Variants in MBD5 observed in about 807,000 individuals in gnomAD.
MBD5 encodes the protein methyl-CpG-binding domain protein 5.
Under a neutral mutation model 117.3 loss-of-function variants are expected in MBD5, and 13 were observed. That is an observed-to-expected ratio of 0.11 (90% CI 0.07 to 0.18). MBD5 has a LOEUF of 0.18. Ranked by LOEUF, MBD5 falls within the 10% of genes least tolerant of loss-of-function variation. MBD5 has a pLI of 1.00. For synonymous variants in MBD5, 727 were observed against 766.4 expected, an observed-to-expected ratio of 0.95 and a Z score of 0.85; for missense variants, 1,879 against 2,093.8, an observed-to-expected ratio of 0.90 and a Z score of 2.00.
At chr2:148,024,193 A>G (rs1693839350) in intron 1 of MBD5, among the ~76,000 whole-genome samples, 1 of 152,192 alleles carries the variant, frequency 6.6e-6, no homozygotes, top group Non-Finnish European at 1.5e-5. Flanking sequence ...CTTTAAAGCT[A>G]TTATTTTGTC....
At chr2:148,092,729 AG>A (rs559065812) in intron 1 of MBD5, among the ~76,000 whole-genome samples, 9 of 151,984 alleles carry the variant, frequency 5.9e-5, no homozygotes, top group Non-Finnish European at 1.3e-4. Flanking sequence ...CTCAGGTGAT[AG>A]GTTCACCAAA....
At chr2:148,176,471 C>G (rs187333195) in intron 1 of MBD5, among the ~76,000 whole-genome samples, 1 of 151,126 alleles carries the variant, frequency 6.6e-6, no homozygotes, top group Admixed American at 6.6e-5. Flanking sequence ...GTGGCATAAT[C>G]TCAGCTCACC....
rs953304742 is a variant in MBD5, at chr2:148,463,678, G to A, written c.217-61G>A. 2.5e-6 allele frequency: 4 copies of A among 1,578,846 alleles called. No individual in the cohort carries two copies. In the African/African-American group the frequency reaches 4.1e-5, roughly 16 times the overall value. ...ATGCACAACTTTTTTTTTAAACAAA[G>A]GGATCTTTTTATTAAATGTTTTTAC... On this transcript the variant is annotated intron_variant, in intron 6 of 13. Transcript: ENST00000642680.
chr2:148,404,939 A>C lies in MBD5; in HGVS notation c.-556-53264A>C, dbSNP rs73017106. On this transcript the variant is annotated intron_variant, in intron 4 of 13. Coordinates refer to ENST00000642680, the MANE Select transcript of MBD5 (RefSeq NM_001378120.1). ...TATTTTATTATTGCATTGTTCATCC[A>C]AGTAAAAGTCTTTTCCATACTATTC... is the stretch of plus-strand genomic sequence containing the variant. 5.5e-3 allele frequency among the ~76,000 whole-genome samples: 840 copies of C among 152,266 alleles called. 8 individuals are homozygous for C. Among genetic ancestry groups the C allele is most frequent in the African/African-American group, 0.02 (815 of 41,556 alleles).
chr2:148,046,394 A>G (rs1441573966), intron 1 of MBD5, among the ~76,000 whole-genome samples: 1 of 152,214 alleles, frequency 6.6e-6, no homozygotes, highest in African/African-American at 2.4e-5. Context: ...ATAATTCAGC[A>G]TATGATTAAG....
intron 1 of MBD5, among the ~76,000 whole-genome samples, chr2:148,153,423 GT>G (rs1470562625): frequency 2.1e-5 from 3 of 144,718 alleles, no homozygotes; most frequent in African/African-American, 7.7e-5. Context: ...GTGTCTTGGA[GT>G]TGCTCTTCTC....
chr2:148,102,098 T>TA (rs1696231495), intron 1 of MBD5, among the ~76,000 whole-genome samples: 1 of 152,210 alleles, frequency 6.6e-6, no homozygotes, highest in Admixed American at 6.5e-5. Context: ...CTGTTCCTGA[T>TA]ATCAAGTTTT....
intron 1 of MBD5, among the ~76,000 whole-genome samples, chr2:148,154,706 C>T (rs1028331084): frequency 2.0e-5 from 3 of 152,122 alleles, no homozygotes; most frequent in Admixed American, 6.5e-5. Context: ...CAGGTGTGTC[C>T]GTCACCCCTT....
intron 11 of MBD5, among the ~76,000 whole-genome samples, chr2:148,499,196 G>T (rs574907864): frequency 6.6e-6 from 1 of 152,264 alleles, no homozygotes; most frequent in Admixed American, 6.5e-5. Context: ...CAGCTACTAA[G>T]GAGACTGAGG....
intron 4 of MBD5, among the ~76,000 whole-genome samples, chr2:148,345,780 G>C (rs1176373626): frequency 6.6e-6 from 1 of 151,432 alleles, no homozygotes; most frequent in African/African-American, 2.4e-5. Flanking sequence ...CTGTCTGCAA[G>C]CTGAGGAGCA....
At position 148,468,529 on chromosome 2, in the gene MBD5, C is replaced by T; in HGVS notation, c.586C>T (p.Pro196Ser). 1.2e-6 allele frequency: 2 copies of T among 1,613,850 alleles called. No individual in the cohort carries two copies. The highest frequency in any genetic ancestry group is 1.7e-6 in the Non-Finnish European group (2 of 1,179,870). The part of the protein sequence containing the change: ...LPGSQQQELH[P>S]VYPRQRLGSS... ...TGGAAGCCAACAACAAGAACTCCAC[C>T]CTGTCTACCCCCGACAGAGATTGGG... Residue 196 changes from proline (P) to serine (S), a missense_variant, in exon 8 of 14, where the codon CCT (proline) becomes TCT (serine). Transcript: ENST00000642680.
At chr2:148,197,010 C>A (rs1029945779) in intron 2 of MBD5, among the ~76,000 whole-genome samples, 1 of 152,084 alleles carries the variant, frequency 6.6e-6, no homozygotes, top group Admixed American at 6.5e-5. Context: ...CAGAAATATT[C>A]CAGATCCCAC....
intron 2 of MBD5, among the ~76,000 whole-genome samples, chr2:148,183,486 G>A (rs1388252628): frequency 6.6e-6 from 1 of 150,930 alleles, no homozygotes; most frequent in Non-Finnish European, 1.5e-5. Context: ...CCCACACTTT[G>A]AATGTTTTCT....
Position 148,367,009 on chromosome 2 carries a change from CA to C in MBD5, c.-557+24674del, listed in dbSNP as rs199793570. Reference sequence around the variant, plus strand: ...TTTAATATGGAACCAAAGAAGAGCCCATATAGCCAAGACAATTCTAAGCAAA... The same window carrying C: ...TTTAATATGGAACCAAAGAAGAGCCCTATAGCCAAGACAATTCTAAGCAAA... On this transcript the variant is annotated intron_variant, in intron 4 of 13. Transcript: ENST00000642680. 9.0e-3 allele frequency among the ~76,000 whole-genome samples: 1,371 copies of C among 152,184 alleles called. 17 individuals carry two copies. Among genetic ancestry groups the C allele is most frequent in the African/African-American group, 0.031 (1,304 of 41,544 alleles).
intron 9 of MBD5, 90 bp from the exon 10 acceptor site, chr2:148,485,652 T>TAAGACTTTGAGAAGTAAAAAAGAAAAGCA: frequency 1.0e-6 from 1 of 985,496 alleles, no homozygotes; most frequent in Non-Finnish European, 1.6e-6. Context: ...TAGCACTTAG[T>TAAGACTTTGAGAAGTAAAAAAGAAAAGCA]TTCTGTTTCA....
At chr2:148,044,913 T>C (rs1480193598) in intron 1 of MBD5, 2 of 152,146 alleles carry the variant, frequency 1.3e-5, no homozygotes, top group Non-Finnish European at 2.9e-5. Flanking sequence ...CCTCTTATTT[T>C]CCTCAGTAAA....
At chr2:148,459,640 G>T (rs1305738656) in intron 5 of MBD5, among the ~76,000 whole-genome samples, 1 of 152,112 alleles carries the variant, frequency 6.6e-6, no homozygotes, top group East Asian at 1.9e-4. Flanking sequence ...TTTTTAAAAG[G>T]TATCACATTC....
chr2:148,252,782 T>C lies in MBD5; in HGVS notation c.-680+19387T>C, dbSNP rs373669065. 2.6e-5 allele frequency among the ~76,000 whole-genome samples: 4 copies of C among 152,204 alleles called. No individual in the cohort carries two copies. In the East Asian group the frequency reaches 7.7e-4, roughly 29 times the overall value. On this transcript the variant is annotated intron_variant, in intron 3 of 13. Transcript: ENST00000642680. ...CCAGGCTAGTCTCAGACTCCTGAGC[T>C]CAAGCAATTTGCCTGCCTCAGCCTC... is the stretch of plus-strand genomic sequence containing the variant.
chr2:148,366,217 G>A (rs1703691463), intron 4 of MBD5, among the ~76,000 whole-genome samples: 1 of 151,896 alleles, frequency 6.6e-6, no homozygotes, highest in Non-Finnish European at 1.5e-5. Context: ...TAGAACAAAT[G>A]ACAAAAACCA....
Sources: gnomAD v4.1 joint callset for allele counts (sites outside exome capture counted in the v4.1 genomes callset) on GRCh38, gnomAD v4.1.1 for gene constraint, MANE v1.5 for transcripts, NCBI Gene and HGNC (gene_info 2026-07-23, HGNC 2026-07-21) for gene names.